EIF4G3: variants seen among roughly 807,000 people sequenced by gnomAD.
The protein encoded by EIF4G3 is eukaryotic translation initiation factor 4 gamma 3, also known as eIF-4-gamma 3.
EIF4G3 carries 34 observed loss-of-function variants against 186.4 expected under a neutral mutation model. That is an observed-to-expected ratio of 0.18 (90% CI 0.14 to 0.24). EIF4G3 has a LOEUF of 0.24. Among genes scored for constraint, EIF4G3 ranks in the 10% least tolerant of loss-of-function variants. The pLI is 1.00. For missense variants in EIF4G3, 1,536 were observed against 1,948.5 expected, an observed-to-expected ratio of 0.79 and a Z score of 3.99; for synonymous variants, 673 against 679.5, an observed-to-expected ratio of 0.99 and a Z score of 0.15.
chr1:21,066,811 C>A (rs1002520347), intron 3 of EIF4G3, among the ~76,000 whole-genome samples: 1 of 152,176 alleles, frequency 6.6e-6, no homozygotes, highest in African/African-American at 2.4e-5. Flanking sequence ...ATTTACCACA[C>A]AACTAGTTAT....
At chr1:21,051,790 G>A (rs1019380078) in intron 3 of EIF4G3, among the ~76,000 whole-genome samples, 2 of 152,128 alleles carry the variant, frequency 1.3e-5, no homozygotes, top group African/African-American at 4.8e-5. Context: ...TTGGGCCCAG[G>A]AGTTCAAGGC....
intron 3 of EIF4G3, among the ~76,000 whole-genome samples, chr1:21,058,606 A>T (rs1332392314): frequency 1.3e-5 from 2 of 149,734 alleles, no homozygotes; most frequent in East Asian, 3.9e-4. Flanking sequence ...AGCTCATTGC[A>T]GCCTCCATCT....
chr1:20,914,621 T>C (rs938052000), intron 14 of EIF4G3, among the ~76,000 whole-genome samples: 1 of 152,262 alleles, frequency 6.6e-6, no homozygotes, highest in Admixed American at 6.5e-5. Context: ...TAAGCCATTA[T>C]GTTTGTGGTG....
Position 20,870,963 on chromosome 1 carries a change from G to A in EIF4G3, c.2623-5701C>T. On this transcript the variant is annotated intron_variant, in intron 20 of 36. Transcript: ENST00000602326. Reference sequence around the variant, plus strand: ...GGCAGCTGCATATATGGATGGATATGTACATATGTATCTGTATGTGTGTGT... The same window carrying A: ...GGCAGCTGCATATATGGATGGATATATACATATGTATCTGTATGTGTGTGT... Among the ~76,000 whole-genome samples, 2 of 152,136 alleles carry A rather than the reference G, an allele frequency of 1.3e-5. 1 individual carries two copies. The highest frequency in any genetic ancestry group is 3.9e-4 in the East Asian group (2 of 5,186).
chr1:20,969,682 C>G, intron 11 of EIF4G3, 86 bp from the exon 12 acceptor site: 1 of 1,259,426 alleles, frequency 7.9e-7, no homozygotes, highest in Non-Finnish European at 1.1e-6. Flanking sequence ...AAGGTGCAAA[C>G]TGGGAAACCT....
intron 13 of EIF4G3, among the ~76,000 whole-genome samples, chr1:20,948,769 G>A (rs1331166921): frequency 2.0e-5 from 3 of 151,900 alleles, no homozygotes; most frequent in Non-Finnish European, 4.4e-5. Context: ...AGCACTTTGG[G>A]AGGCTGAGGC....
chr1:20,829,462 T>C (rs536062576), intron 30 of EIF4G3, among the ~76,000 whole-genome samples, 190 bp from the exon 31 acceptor site: 1 of 152,080 alleles, frequency 6.6e-6, no homozygotes, highest in South Asian at 2.1e-4. Context: ...GGAAAAAGAC[T>C]AGAACAGACA....
At chr1:20,843,307 A>C (rs1047683435) in intron 29 of EIF4G3, among the ~76,000 whole-genome samples, 12 of 152,210 alleles carry the variant, frequency 7.9e-5, no homozygotes, top group African/African-American at 2.9e-4. Context: ...TTTGAGGTTC[A>C]GCAGTATGAG....
chr1:20,854,877 A>C, intron 26 of EIF4G3, 101 bp downstream of exon 26: 2 of 944,716 alleles, frequency 2.1e-6, no homozygotes, highest in Non-Finnish European at 3.3e-6. Context: ...ATTAGTCTAC[A>C]CATCTTTCCC....
At chr1:20,909,710 T>G (rs2092874329) in intron 14 of EIF4G3, among the ~76,000 whole-genome samples, 1 of 152,090 alleles carries the variant, frequency 6.6e-6, no homozygotes, top group Admixed American at 6.5e-5. Context: ...AGCTTTATAG[T>G]TTTGGTCTTT....
At chr1:20,986,221 C>T (rs936226219) in intron 7 of EIF4G3, among the ~76,000 whole-genome samples, 4 of 152,136 alleles carry the variant, frequency 2.6e-5, no homozygotes, top group Non-Finnish European at 5.9e-5. Context: ...ATATTTGTTG[C>T]TGAGTGAAAA....
intron 12 of EIF4G3, among the ~76,000 whole-genome samples, chr1:20,959,264 G>A (rs1040031495): frequency 6.6e-6 from 1 of 151,996 alleles, no homozygotes; most frequent in African/African-American, 2.4e-5. Context: ...CTTCAACAAA[G>A]CATATAAAAA....
rs1268063293 is a variant in EIF4G3 at position 20,882,755 on chromosome 1, C to G, written c.2425-3235G>C. Among the ~76,000 whole-genome samples the G allele has an allele frequency of 2.6e-5, 4 of 151,994 alleles. No individual in the cohort carries two copies. In the East Asian group the frequency reaches 7.7e-4, roughly 29 times the overall value. On this transcript the variant is annotated intron_variant, in intron 19 of 36. Coordinates refer to ENST00000602326, the MANE Select transcript of EIF4G3 (RefSeq NM_001391906.1). Reference sequence around the variant, plus strand: ...AAGCTTCAGCGAGCCATCATTGTGCCACTGCACTCCAGCCTGGGCAATAGA... The same window carrying G: ...AAGCTTCAGCGAGCCATCATTGTGCGACTGCACTCCAGCCTGGGCAATAGA...
chr1:21,167,956 C>A, intron 2 of EIF4G3: 1 of 423,120 alleles, frequency 2.4e-6, no homozygotes, highest in African/African-American at 2.1e-5. Flanking sequence ...AGATGTTTGA[C>A]TTACTGATAA....
intron 2 of EIF4G3, chr1:21,161,792 A>AC (rs1553318058): frequency 1.3e-5 from 2 of 151,786 alleles, no homozygotes. Flanking sequence ...ACATGGTGCA[A>AC]CCCCGTCTCT....
intron 14 of EIF4G3, among the ~76,000 whole-genome samples, chr1:20,930,345 A>C (rs2095247568): frequency 6.6e-6 from 1 of 152,186 alleles, no homozygotes; most frequent in Non-Finnish European, 1.5e-5. Context: ...ATAGCATTTT[A>C]CCCAATCCTC....
chr1:21,151,038 G>C (rs544120497), intron 2 of EIF4G3, among the ~76,000 whole-genome samples: 3 of 152,068 alleles, frequency 2.0e-5, no homozygotes, highest in East Asian at 1.9e-4. Context: ...AAAATCAAAT[G>C]ACCTAATCTC....
intron 2 of EIF4G3, among the ~76,000 whole-genome samples, chr1:21,104,218 G>T (rs2096575552): frequency 6.6e-6 from 1 of 152,118 alleles, no homozygotes; most frequent in African/African-American, 2.4e-5. Flanking sequence ...AAAGACAAAT[G>T]CTTAAAAGTC....
intron 4 of EIF4G3, among the ~76,000 whole-genome samples, chr1:21,015,700 G>A (rs2088756684): frequency 7.5e-6 from 1 of 134,114 alleles, no homozygotes; most frequent in Non-Finnish European, 1.5e-5. Context: ...ATTATCAGCA[G>A]AAACTTGCAG....
Sources: gnomAD v4.1 joint callset for allele counts (sites outside exome capture counted in the v4.1 genomes callset) on GRCh38, gnomAD v4.1.1 for gene constraint, MANE v1.5 for transcripts, NCBI Gene and HGNC (gene_info 2026-07-23, HGNC 2026-07-21) for gene names.